The following ENTPD1 variants were observed in gnomAD, a reference collection of about 807,000 sequenced individuals.
ENTPD1 encodes the protein ATP diphosphohydrolase.
A neutral mutation model predicts 57.0 loss-of-function variants in ENTPD1; 33 were observed. The ratio of observed to expected loss-of-function variants is 0.58; its 90% CI spans 0.44 to 0.77. The LOEUF (loss-of-function observed/expected upper bound fraction) is 0.77, where lower values mean the gene tolerates loss of function less well. ENTPD1 is among the 30% of genes least tolerant of loss of function. The pLI is 0.00. For synonymous variants in ENTPD1, 202 were observed against 218.8 expected, an observed-to-expected ratio of 0.92 and a Z score of 0.68; for missense variants, 501 against 603.4, an observed-to-expected ratio of 0.83 and a Z score of 1.78.
intron 1 of ENTPD1, among the ~76,000 whole-genome samples, chr10:95,778,515 T>A (rs536388377): frequency 7.2e-5 from 11 of 152,312 alleles, no homozygotes; most frequent in Non-Finnish European, 1.5e-4. Flanking sequence ...GTTGAAAATG[T>A]GGGGAAACTA....
the ENTPD1 span, among the ~76,000 whole-genome samples, chr10:95,703,781 C>CAAAAAA: frequency 2.7e-5 from 2 of 73,398 alleles, no homozygotes; most frequent in Admixed American, 1.7e-4. Flanking sequence ...GACTCTGTCT[C>CAAAAAA]AAAAAAAAAA....
At chr10:95,780,599 A>C (rs2098153399) in intron 1 of ENTPD1, among the ~76,000 whole-genome samples, 1 of 152,208 alleles carries the variant, frequency 6.6e-6, no homozygotes, top group African/African-American at 2.4e-5. Context: ...ATGGACATGA[A>C]ATGTGCCTGA....
At position 95,842,352 on chromosome 10, in the gene ENTPD1, A is replaced by C; in HGVS notation, c.271A>C (p.Ile91Leu). 6.2e-7 allele frequency: 1 copy of C among 1,613,632 alleles called. No individual in the cohort carries two copies. The highest frequency in any genetic ancestry group is 1.3e-5 in the African/African-American group (1 of 74,960). ...VEECRVKGPG[I>L]SKFVQKVNEI... Reference sequence around the variant, plus strand: ...TCTACATTTTTTCCTAGGTCCTGGAATCTCAAAATTTGTTCAGAAAGTAAA... The same window carrying C: ...TCTACATTTTTTCCTAGGTCCTGGACTCTCAAAATTTGTTCAGAAAGTAAA... The change falls in exon 4 of 10, where the codon ATC becomes CTC. Residue 91 changes from isoleucine (I) to leucine (L), a missense_variant. Transcript: ENST00000371205.
chr10:95,734,919 A>C (rs2097992954), intron 1 of ENTPD1, among the ~76,000 whole-genome samples: 1 of 152,106 alleles, frequency 6.6e-6, no homozygotes, highest in Non-Finnish European at 1.5e-5. Context: ...ACCTCTGTGC[A>C]ATTTCTGTTT....
At chr10:95,847,243 A>G (rs958391845) in intron 6 of ENTPD1, 5 of 636,220 alleles carry the variant, frequency 7.9e-6, no homozygotes, top group African/African-American at 3.6e-5. Flanking sequence ...AAATACATTT[A>G]TATCTGATAC....
intron 1 of ENTPD1, among the ~76,000 whole-genome samples, chr10:95,821,425 G>T (rs950832107): frequency 6.6e-6 from 1 of 152,194 alleles, no homozygotes; most frequent in Non-Finnish European, 1.5e-5. Context: ...GATGAAGAGA[G>T]AATGTTTTCT....
intron 1 of ENTPD1, among the ~76,000 whole-genome samples, chr10:95,815,033 T>A (rs2098325277): frequency 6.6e-6 from 1 of 152,244 alleles, no homozygotes; most frequent in Non-Finnish European, 1.5e-5. Context: ...TTTCTATTGA[T>A]GTTTGTGCTG....
At chr10:95,750,894 G>A (rs994008803), upstream of ENTPD1, among the ~76,000 whole-genome samples, 7 of 152,268 alleles carry the variant, frequency 4.6e-5, no homozygotes, top group East Asian at 3.9e-4. Flanking sequence ...ATGGTGGCAC[G>A]CACCTCTAGT....
intron 1 of ENTPD1, among the ~76,000 whole-genome samples, chr10:95,812,848 A>AT: frequency 6.6e-6 from 1 of 152,226 alleles, no homozygotes; most frequent in East Asian, 1.9e-4. Context: ...TCTGAAAATT[A>AT]TTTTTTTCAT....
upstream of ENTPD1, among the ~76,000 whole-genome samples, chr10:95,709,755 G>GT (rs111624937): frequency 4.2e-4 from 63 of 151,050 alleles, no homozygotes; most frequent in Admixed American, 8.6e-4. Flanking sequence ...GTTTTTTGTT[G>GT]TTGTTTGTTT....
rs10609572 is a variant in ENTPD1, at chr10:95,717,337, G to GT, written c.37+5366dup. 9.4e-3 allele frequency among the ~76,000 whole-genome samples: 1,187 copies of GT among 125,742 alleles called. 14 individuals carry two copies. The highest frequency in any genetic ancestry group is 0.02 in the African/African-American group (685 of 34,248). 82.5% of individuals were successfully genotyped at this position (125,742 alleles called of 152,430 possible). A position where few individuals can be genotyped will look rare whatever the true frequency, so the allele number is the denominator to read the frequency against. On this transcript the variant is annotated intron_variant, in intron 1 of 9. Coordinates refer to the ENTPD1 transcript ENST00000453258. ...TCATTGAGGTTCTTGGATCTGCAGG[G>GT]TTTTTTTTTTTTTTTTTTTTTTGCA...
chr10:95,843,691 A>T (rs2098427088), intron 4 of ENTPD1, among the ~76,000 whole-genome samples: 1 of 152,198 alleles, frequency 6.6e-6, no homozygotes, highest in African/African-American at 2.4e-5. Flanking sequence ...ATGCTACACA[A>T]CTGGTGACAC....
At chr10:95,859,552 T>A (rs1489148478) in intron 7 of ENTPD1, among the ~76,000 whole-genome samples, 2 of 152,200 alleles carry the variant, frequency 1.3e-5, no homozygotes, top group East Asian at 3.8e-4. Context: ...ACAAATGATG[T>A]GCTCCTTTAA....
At position 95,731,781 on chromosome 10, in the gene ENTPD1, C is replaced by CTTTTTTTTTTTTTTTTTTTTTTTTT. The variant is rs34841311; in HGVS notation, c.37+19809_37+19810insTTTTTTTTTTTTTTTTTTTTTTTTT. On this transcript the variant is annotated intron_variant, in intron 1 of 9. Transcript: ENST00000453258. ...GGTAAGAATTAGAGGAGTGGACATC[C>CTTTTTTTTTTTTTTTTTTTTTTTTT]TTTTTTTTTTTTTTTTTTTTTGACA... Among the ~76,000 whole-genome samples, 31 of 79,176 alleles carry CTTTTTTTTTTTTTTTTTTTTTTTTT rather than the reference C, an allele frequency of 3.9e-4. 5 individuals are homozygous for CTTTTTTTTTTTTTTTTTTTTTTTTT. The highest frequency in any genetic ancestry group is 6.4e-4 in the African/African-American group (12 of 18,648). The allele number at this position is 79,176 out of a possible 152,430, so 51.9% of individuals were successfully genotyped here. A position where few individuals can be genotyped will look rare whatever the true frequency, so the allele number is the denominator to read the frequency against.
At chr10:95,811,525 C>T (rs2098307494) in intron 1 of ENTPD1, among the ~76,000 whole-genome samples, 1 of 152,118 alleles carries the variant, frequency 6.6e-6, no homozygotes, top group Non-Finnish European at 1.5e-5. Context: ...GTAGCTGGGA[C>T]CACAAGCACA....
In ENTPD1 at chr10:95,823,296, A is replaced by G. The variant is rs753767695; in HGVS notation, c.76A>G (p.Ile26Val). ...CCTAGCCATCCTTGGCTTCTCCTCTATCATAGCTGTGATAGCTTTGCTTGC... is the reference window on the plus strand; with the variant it reads ...CCTAGCCATCCTTGGCTTCTCCTCTGTCATAGCTGTGATAGCTTTGCTTGC... ...NILAILGFSS[I>V]IAVIALLAVG... The change falls in exon 2 of 10, where the codon ATC becomes GTC. Residue 26 changes from isoleucine (I) to valine (V), a missense_variant. Transcript: ENST00000371205. 1.9e-6 allele frequency: 3 copies of G among 1,614,188 alleles called. No homozygotes were observed. Among genetic ancestry groups the G allele is most frequent in the Non-Finnish European group, 8.5e-7 (1 of 1,180,008 alleles).
At chr10:95,786,728 A>T (rs1289549665) in intron 1 of ENTPD1, among the ~76,000 whole-genome samples, 5 of 152,200 alleles carry the variant, frequency 3.3e-5, no homozygotes, top group Non-Finnish European at 7.4e-5. Flanking sequence ...GAAAAAGATG[A>T]AACCTGGAAA....
At chr10:95,801,970 G>A (rs2098251599) in intron 1 of ENTPD1, among the ~76,000 whole-genome samples, 1 of 152,132 alleles carries the variant, frequency 6.6e-6, no homozygotes, top group African/African-American at 2.4e-5. Flanking sequence ...AGCATAGAAT[G>A]TTTTTCCATT....
chr10:95,870,293 AT>A lies in ENTPD1; in HGVS notation c.*3920del, dbSNP rs970273683. On this transcript the variant is annotated 3_prime_UTR_variant, in exon 10 of 10. Transcript: ENST00000371205. ...AAATTTGAATATTAAAATAAAGATG[AT>A]TTTTTTTTTGGAGCTAGTCTTGCTC... The A allele has an allele frequency of 5.1e-4, 462 of 914,680 alleles. No homozygotes were observed. The highest frequency in any genetic ancestry group is 1.1e-3 in the Middle Eastern group (2 of 1,800). The allele number at this position is 914,680 out of a possible 1,614,324, so 56.7% of individuals were successfully genotyped here. A position where few individuals can be genotyped will look rare whatever the true frequency, so the allele number is the denominator to read the frequency against.
Sources: allele counts gnomAD v4.1 joint callset (sites outside exome capture counted in the v4.1 genomes callset), GRCh38; gene constraint gnomAD v4.1.1; transcripts MANE v1.5; gene names NCBI Gene and HGNC (gene_info 2026-07-23, HGNC 2026-07-21).